The following TDRD15 variants were observed in gnomAD, a reference collection of about 807,000 sequenced individuals.
TDRD15 encodes tudor domain-containing protein 15.
For synonymous variants in TDRD15, 503 were observed against 314.5 expected (o/e 1.60, Z -6.34); for missense variants, 1,416 against 904.7 (o/e 1.57, Z -7.25).
downstream of TDRD15, among the ~76,000 whole-genome samples, chr2:21,145,436 T>A (rs1167450349): frequency 6.6e-6 from 1 of 152,030 alleles, no homozygotes; most frequent in Non-Finnish European, 1.5e-5. Context: ...ATGTTTTTTT[T>A]GGCCATCAAA....
Position 21,141,865 on chromosome 2 carries a change from A to G in TDRD15, c.4398A>G (p.Leu1466=). Residue 1466 remains leucine (L), a synonymous_variant, in exon 4 of 4, where the codon CTA becomes CTG. Transcript: ENST00000405799. The part of the protein sequence containing the change: ...ICDEKCVINE[L]LKWKACSKLQ... ...ATGAAAAATGTGTCATTAATGAACT[A>G]CTGAAATGGAAAGCATGTTCAAAAC... The G allele has an allele frequency of 1.4e-6, 1 of 715,436 alleles. No homozygotes were observed. The highest frequency in any genetic ancestry group is 1.5e-5 in the South Asian group (1 of 67,490). The allele number at this position is 715,436 out of a possible 1,614,324, so 44.3% of individuals were successfully genotyped here. A position where few individuals can be genotyped will look rare whatever the true frequency, so the allele number is the denominator to read the frequency against.
At chr2:21,129,728 T>TA (rs1431142704) in intron 2 of TDRD15, among the ~76,000 whole-genome samples, 1 of 152,202 alleles carries the variant, frequency 6.6e-6, no homozygotes, top group Non-Finnish European at 1.5e-5. Context: ...CTGTTTTTTT[T>TA]ATCTTTTGTT....
At chr2:21,133,950 T>C (rs1181600076) in intron 2 of TDRD15, among the ~76,000 whole-genome samples, 6 of 152,000 alleles carry the variant, frequency 3.9e-5, no homozygotes, top group African/African-American at 9.7e-5. Flanking sequence ...TTTGGATGTA[T>C]TGAGTTAAAG....
intron 3 of TDRD15, among the ~76,000 whole-genome samples, chr2:21,137,127 C>T (rs1383481079): frequency 6.6e-6 from 1 of 151,984 alleles, no homozygotes; most frequent in Non-Finnish European, 1.5e-5. Context: ...TAGCTCCTTT[C>T]ATTACACCAC....
chr2:21,129,306 T>G (rs1409690154), intron 2 of TDRD15, among the ~76,000 whole-genome samples: 1 of 152,202 alleles, frequency 6.6e-6, no homozygotes, highest in African/African-American at 2.4e-5. Flanking sequence ...TTTTTGAAAA[T>G]GGCTGTACCG....
Position 21,143,312 on chromosome 2 carries a change from T to C in TDRD15, c.*40T>C, listed in dbSNP as rs1015396693. 1.7e-5 allele frequency: 9 copies of C among 517,510 alleles called. No individual in the cohort carries two copies. In the Admixed American group the frequency reaches 1.9e-4, roughly 11 times the overall value. 32.1% of individuals were successfully genotyped at this position (517,510 alleles called of 1,614,324 possible). A position where few individuals can be genotyped will look rare whatever the true frequency, so the allele number is the denominator to read the frequency against. ...CTATTTTCCCATTGTTAGATCAAAA[T>C]TGTTACAAAAAACAAAATATAAATT... On this transcript the variant is annotated 3_prime_UTR_variant, in exon 4 of 4. Transcript: ENST00000405799.
At chr2:21,132,764 T>G (rs1665743146) in intron 2 of TDRD15, among the ~76,000 whole-genome samples, 1 of 152,208 alleles carries the variant, frequency 6.6e-6, no homozygotes, top group Non-Finnish European at 1.5e-5. Context: ...TATTCTTGTA[T>G]TTTCTTCTAA....
At chr2:21,145,981 A>G (rs1314978674), downstream of TDRD15, among the ~76,000 whole-genome samples, 2 of 152,046 alleles carry the variant, frequency 1.3e-5, no homozygotes, top group East Asian at 3.9e-4. Context: ...GGTCCCTATT[A>G]AAAATTAAAT....
In TDRD15 at chr2:21,127,723, T is replaced by C. The variant is rs1315519951; in HGVS notation, c.-90+12T>C. On this transcript the variant is annotated intron_variant, in intron 2 of 3. Coordinates refer to ENST00000405799, the MANE Select transcript of TDRD15 (RefSeq NM_001306137.2). ...AGTCTTAAACTCAGGTAAGCATAAG[T>C]TCTCAAATTTTAATCTTTTTCAGTT... The C allele has an allele frequency of 2.0e-5, 3 of 152,322 alleles. No individual in the cohort carries two copies. In the East Asian group the frequency reaches 5.8e-4, roughly 29 times the overall value. The allele number at this position is 152,322 out of a possible 1,614,324, so 9.4% of individuals were successfully genotyped here.
At chr2:21,126,000 A>G (rs1460420498) in intron 1 of TDRD15, among the ~76,000 whole-genome samples, 2 of 151,036 alleles carry the variant, frequency 1.3e-5, no homozygotes, top group Non-Finnish European at 3.0e-5. Flanking sequence ...CAGGTTGTGC[A>G]TGTGTGTGTG....
At chr2:21,128,162 A>C (rs1665635261) in intron 2 of TDRD15, among the ~76,000 whole-genome samples, 1 of 152,100 alleles carries the variant, frequency 6.6e-6, no homozygotes, top group South Asian at 2.1e-4. Flanking sequence ...TCTGGATATA[A>C]TCATTCATTT....
In TDRD15 at chr2:21,138,647, GAGTGTTTGTATTATGTGACATTAC is replaced by G; in HGVS notation, c.1182_1205del (p.Cys395_Gln402del). 1 of 714,550 alleles carries G rather than the reference GAGTGTTTGTATTATGTGACATTAC, an allele frequency of 1.4e-6. No individual in the cohort carries two copies. Among genetic ancestry groups the G allele is most frequent in the Non-Finnish European group, 2.6e-6 (1 of 383,764 alleles). 44.3% of individuals were successfully genotyped at this position (714,550 alleles called of 1,614,324 possible). A position where few individuals can be genotyped will look rare whatever the true frequency, so the allele number is the denominator to read the frequency against. On this transcript the variant is annotated inframe_deletion, in exon 4 of 4. Transcript: ENST00000405799. ...ACACATTGATTGGTTCAATAAGGAT[GAGTGTTTGTATTATGTGACATTAC>G]AAACTCAAGAGTCTACAGTTAATTC... is the stretch of plus-strand genomic sequence containing the variant.
Position 21,139,675 on chromosome 2 carries a change from C to T in TDRD15, c.2208C>T (p.Thr736=). Residue 736 remains threonine, a synonymous_variant, in exon 4 of 4, where the codon ACC becomes ACT. Transcript: ENST00000405799. ...VNISEFKNPF[T]LSVGPESSWP... ...TCTCAGAATTTAAAAATCCTTTCAC[C>T]TTGTCTGTGGGACCTGAGTCATCCT... 1 of 713,144 alleles carries T rather than the reference C, an allele frequency of 1.4e-6. No individual in the cohort carries two copies. Among genetic ancestry groups the T allele is most frequent in the South Asian group, 1.5e-5 (1 of 66,724 alleles). The allele number at this position is 713,144 out of a possible 1,614,324, so 44.2% of individuals were successfully genotyped here. A position where few individuals can be genotyped will look rare whatever the true frequency, so the allele number is the denominator to read the frequency against.
At position 21,143,143 on chromosome 2, in the gene TDRD15, A is replaced by C. The variant is rs1558302193; in HGVS notation, c.5676A>C (p.Lys1892Asn). 1.4e-6 allele frequency: 1 copy of C among 708,662 alleles called. No individual in the cohort carries two copies. Among genetic ancestry groups the C allele is most frequent in the Non-Finnish European group, 2.6e-6 (1 of 381,972 alleles). The allele number at this position is 708,662 out of a possible 1,614,324, so 43.9% of individuals were successfully genotyped here. A position where few individuals can be genotyped will look rare whatever the true frequency, so the allele number is the denominator to read the frequency against. The change falls in exon 4 of 4, where the codon AAA (lysine) becomes AAC (asparagine). Residue 1892 changes from lysine (K) to asparagine (N), a missense_variant. Physicochemically the swap from Lys to Asn is moderately conservative, Grantham distance 94. Transcript: ENST00000405799. ...AATATCATTCTGAAACAAAACTGAA[A>C]GTAGATGTCATTCATGAGAAAAACA... ...FREYHSETKL[K>N]VDVIHEKNNL...
At chr2:21,137,061 A>G (rs1665821474) in intron 3 of TDRD15, among the ~76,000 whole-genome samples, 1 of 152,014 alleles carries the variant, frequency 6.6e-6, no homozygotes, top group African/African-American at 2.4e-5. Flanking sequence ...AAGAGTTTGC[A>G]TGAAGGAAAG....
In TDRD15 at chr2:21,137,452, A is replaced by G; in HGVS notation, c.-3-13A>G. ...CTTTGATAGCTAATGAGTAATTATTATTTGCTTTTTAGAAAATGGATTCTA... is the reference window on the plus strand; with the variant it reads ...CTTTGATAGCTAATGAGTAATTATTGTTTGCTTTTTAGAAAATGGATTCTA... On this transcript the variant is annotated splice_polypyrimidine_tract_variant and intron_variant, in intron 3 of 3. Coordinates refer to ENST00000405799, the MANE Select transcript of TDRD15 (RefSeq NM_001306137.2). 2 of 614,140 alleles carry G rather than the reference A, an allele frequency of 3.3e-6. No homozygotes were observed. Among genetic ancestry groups the G allele is most frequent in the Non-Finnish European group, 2.9e-6 (1 of 339,436 alleles). The allele number at this position is 614,140 out of a possible 1,614,324, so 38.0% of individuals were successfully genotyped here.
chr2:21,141,986 G>A lies in TDRD15; in HGVS notation c.4519G>A (p.Gly1507Ser). The A allele has an allele frequency of 1.4e-6, 1 of 700,168 alleles. No individual in the cohort carries two copies. Among genetic ancestry groups the A allele is most frequent in the Non-Finnish European group, 2.6e-6 (1 of 379,872 alleles). The allele number at this position is 700,168 out of a possible 1,614,324, so 43.4% of individuals were successfully genotyped here. The change falls in exon 4 of 4, where the codon GGT becomes AGT. Residue 1507 changes from glycine (G) to serine (S), a missense_variant. Physicochemically the swap from Gly to Ser is moderately conservative, Grantham distance 56. Transcript: ENST00000405799. ...MKKGKSNESE[G>S]SMNSNQQLFK... ...GAAAGGAAAATCAAATGAGTCTGAA[G>A]GTTCTATGAATTCAAACCAACAGCT... is the stretch of plus-strand genomic sequence containing the variant.
intron 2 of TDRD15, among the ~76,000 whole-genome samples, chr2:21,128,888 CACTT>C (rs967962024): frequency 1.3e-5 from 2 of 151,172 alleles, no homozygotes; most frequent in African/African-American, 4.9e-5. Flanking sequence ...AAATCACTGT[CACTT>C]AATATAATCC....
In TDRD15 at chr2:21,127,639, A is replaced by G. The variant is rs1270092640; in HGVS notation, c.-162A>G. On this transcript the variant is annotated 5_prime_UTR_variant, in exon 2 of 4. The change creates a new upstream start codon in the 5' untranslated region. Coordinates refer to ENST00000405799, the MANE Select transcript of TDRD15 (RefSeq NM_001306137.2). ...ATTCTGATCTGTTCCAGTGAATTAT[A>G]TTTCCACACCAGTACTACACCAGTA... is the stretch of plus-strand genomic sequence containing the variant. 6.6e-6 allele frequency: 1 copy of G among 152,172 alleles called. No homozygotes were observed. Among genetic ancestry groups the G allele is most frequent in the Admixed American group, 6.5e-5 (1 of 15,278 alleles). 9.4% of individuals were successfully genotyped at this position (152,172 alleles called of 1,614,324 possible).
Sources: allele counts gnomAD v4.1 joint callset (sites outside exome capture counted in the v4.1 genomes callset), GRCh38; gene constraint gnomAD v4.1.1; transcripts MANE v1.5; gene names NCBI Gene and HGNC (gene_info 2026-07-23, HGNC 2026-07-21).